The following TTC39C variants were observed in gnomAD, a reference collection of about 807,000 sequenced individuals.
The protein encoded by TTC39C is tetratricopeptide repeat protein 39C.
In TTC39C, 33 loss-of-function variants were observed where a neutral mutation model predicts 76.3. The ratio of observed to expected loss-of-function variants is 0.43; its 90% CI spans 0.33 to 0.58. The LOEUF is 0.58. TTC39C is among the 20% of genes least tolerant of loss of function. TTC39C has a pLI of 0.04. For synonymous variants in TTC39C, 254 were observed against 260.6 expected (o/e 0.97, Z 0.24); for missense variants, 595 against 701.4 (o/e 0.85, Z 1.71).
At chr18:24,017,440 C>T (rs1469859055) in intron 1 of TTC39C, among the ~76,000 whole-genome samples, 2 of 152,180 alleles carry the variant, frequency 1.3e-5, no homozygotes, top group Non-Finnish European at 2.9e-5. Context: ...AAGAAATAAT[C>T]CATGGCCCCG....
intron 11 of TTC39C, among the ~76,000 whole-genome samples, chr18:24,129,663 A>T (rs1288656400): frequency 6.6e-6 from 1 of 151,154 alleles, no homozygotes; most frequent in Admixed American, 6.7e-5. Context: ...AATCCCAGCT[A>T]CTCGGGAGGC....
At chr18:24,055,607 G>T (rs1331435051) in intron 1 of TTC39C, among the ~76,000 whole-genome samples, 1 of 152,132 alleles carries the variant, frequency 6.6e-6, no homozygotes, top group Non-Finnish European at 1.5e-5. Flanking sequence ...TTGCTGAGTT[G>T]TAGGAGCTCT....
chr18:24,113,334 C>T (rs1374359098), intron 6 of TTC39C: 14 of 508,012 alleles, frequency 2.8e-5, no homozygotes, highest in Admixed American at 3.4e-5. Context: ...CTTGTTTCCC[C>T]GAGGCCTCCT....
chr18:24,093,202 G>A (rs908722033), intron 6 of TTC39C, among the ~76,000 whole-genome samples: 3 of 152,094 alleles, frequency 2.0e-5, no homozygotes, highest in Non-Finnish European at 4.4e-5. Flanking sequence ...AGTATTGGCC[G>A]GGTGCAGTGG....
At chr18:23,993,374 T>C (rs1240391620) in intron 1 of TTC39C, among the ~76,000 whole-genome samples, 5 of 152,222 alleles carry the variant, frequency 3.3e-5, no homozygotes, top group Non-Finnish European at 5.9e-5. Context: ...TAATATCAGG[T>C]TAATAGAAAA....
chr18:23,995,338 C>T (rs922534127), intron 1 of TTC39C, among the ~76,000 whole-genome samples: 32 of 152,062 alleles, frequency 2.1e-4, no homozygotes, highest in Admixed American at 4.6e-4. Flanking sequence ...GGTGTGGTGG[C>T]GCGCGTCTGT....
At chr18:24,121,342 G>T (rs1482089445) in intron 8 of TTC39C, among the ~76,000 whole-genome samples, 1 of 152,144 alleles carries the variant, frequency 6.6e-6, no homozygotes, top group Non-Finnish European at 1.5e-5. Flanking sequence ...GGAGGCCGAG[G>T]CGTGTGGATC....
At chr18:24,050,432 T>C (rs1305286976) in intron 1 of TTC39C, among the ~76,000 whole-genome samples, 1 of 151,660 alleles carries the variant, frequency 6.6e-6, no homozygotes, top group Admixed American at 6.6e-5. Flanking sequence ...TAGCCAGGCA[T>C]GATGACCCAT....
chr18:23,999,023 G>A (rs2083291954), intron 1 of TTC39C, among the ~76,000 whole-genome samples: 1 of 152,144 alleles, frequency 6.6e-6, no homozygotes, highest in South Asian at 2.1e-4. Context: ...ACTGCCTCAG[G>A]TCTCTGTGTG....
intron 9 of TTC39C, chr18:24,124,270 A>C (rs1236163644): frequency 5.5e-6 from 1 of 180,326 alleles, no homozygotes; most frequent in East Asian, 1.5e-4. Context: ...TATGATCTGA[A>C]GGGTAACTGG....
intron 4 of TTC39C, among the ~76,000 whole-genome samples, chr18:24,074,778 T>G (rs192230231): frequency 7.5e-4 from 114 of 152,342 alleles, no homozygotes; most frequent in African/African-American, 2.5e-3. Flanking sequence ...AAATACCATT[T>G]GACCTAGCCA....
At chr18:24,014,698 G>A (rs1164512387), upstream of TTC39C, 3 of 1,000,778 alleles carry the variant, frequency 3.0e-6, no homozygotes, top group African/African-American at 1.8e-5. Context: ...GCCGGGCCGC[G>A]GCTCCTCCCT....
At position 24,023,981 on chromosome 18, in the gene TTC39C, CATATATA is replaced by C. The variant is rs1568409013; in HGVS notation, c.167+8944_167+8950del. 9.0e-3 allele frequency among the ~76,000 whole-genome samples: 160 copies of C among 17,838 alleles called. 19 individuals are homozygous for C. Among genetic ancestry groups the C allele is most frequent in the East Asian group, 0.023 (9 of 396 alleles). The allele number at this position is 17,838 out of a possible 152,430, so 11.7% of individuals were successfully genotyped here. A position where few individuals can be genotyped will look rare whatever the true frequency, so the allele number is the denominator to read the frequency against. The stretch of plus-strand genomic sequence containing the variant: ...ATATATATATATATATATATATATA[CATATATA>C]TATATATATATATATATATATATAT... On this transcript the variant is annotated intron_variant, in intron 1 of 13. Transcript: ENST00000317571.
intron 1 of TTC39C, among the ~76,000 whole-genome samples, chr18:23,997,652 GAGAAAGAAAGAAAGAAAGAA>G (rs1176951123): frequency 7.4e-4 from 33 of 44,410 alleles, no homozygotes; most frequent in African/African-American, 3.0e-3. Flanking sequence ...AGGAAGGAAG[GAGAAAGAAAGAAAGAAAGAA>G]AGAAAGAAAG....
At chr18:24,120,607 C>T (rs147020530) in intron 8 of TTC39C, among the ~76,000 whole-genome samples, 51 of 152,216 alleles carry the variant, frequency 3.4e-4, no homozygotes, top group African/African-American at 1.1e-3. Context: ...CTCCAGATAA[C>T]GCTCAGATTG....
intron 1 of TTC39C, among the ~76,000 whole-genome samples, chr18:24,023,993 TATA>T (rs2083561141): frequency 6.8e-4 from 4 of 5,894 alleles, no homozygotes; most frequent in Non-Finnish European, 1.7e-3. Flanking sequence ...TATATATATA[TATA>T]TATATATATA....
chr18:24,002,596 G>T (rs554296596), intron 1 of TTC39C, among the ~76,000 whole-genome samples: 10 of 152,150 alleles, frequency 6.6e-5, no homozygotes, highest in Non-Finnish European at 1.0e-4. Context: ...TTTCTGTGTT[G>T]TTCTAATGCT....
chr18:24,002,038 C>T (rs2083317735), intron 1 of TTC39C, among the ~76,000 whole-genome samples: 2 of 152,046 alleles, frequency 1.3e-5, no homozygotes, highest in East Asian at 1.9e-4. Context: ...TCTGTTTTGT[C>T]GTTGCTTACT....
chr18:24,068,341 T>C (rs2084193785), intron 3 of TTC39C, among the ~76,000 whole-genome samples: 1 of 152,188 alleles, frequency 6.6e-6, no homozygotes, highest in Non-Finnish European at 1.5e-5. Context: ...CCACGATGGA[T>C]TATGCTAAAA....
Sources: allele counts gnomAD v4.1 joint callset (sites outside exome capture counted in the v4.1 genomes callset), GRCh38; gene constraint gnomAD v4.1.1; transcripts MANE v1.5; gene names NCBI Gene and HGNC (gene_info 2026-07-23, HGNC 2026-07-21).